The following PIAS4 variants were observed in gnomAD, a reference collection of about 807,000 sequenced individuals.
PIAS4 encodes E3 SUMO-protein ligase PIAS4.
A neutral mutation model predicts 58.0 loss-of-function variants in PIAS4; 7 were observed. That is an observed-to-expected ratio of 0.12 (90% CI 0.07 to 0.23). PIAS4 has a LOEUF of 0.23. Among genes scored for constraint, PIAS4 ranks in the 10% least tolerant of loss-of-function variants. The probability of loss-of-function intolerance (pLI) is 1.00; values close to 1 mark genes in which losing one functional copy is unlikely to be tolerated. For missense variants in PIAS4, 550 were observed against 709.5 expected (o/e 0.78, Z 2.55); for synonymous variants, 364 against 312.4 (o/e 1.17, Z -1.74).
chr19:4,020,441 TC>T (rs1244575475), intron 2 of PIAS4, among the ~76,000 whole-genome samples: 3 of 152,110 alleles, frequency 2.0e-5, no homozygotes, highest in African/African-American at 7.2e-5. Context: ...TTGCCTGTCA[TC>T]TCGTTGTCTC....
At chr19:4,034,963 G>A (rs73532386) in intron 9 of PIAS4, among the ~76,000 whole-genome samples, 4,742 of 152,300 alleles carry the variant, frequency 0.031, 263 homozygotes, top group African/African-American at 0.11. Flanking sequence ...CCAGGGGAGC[G>A]GATAGAGGAG....
In PIAS4 at chr19:4,013,904, C is replaced by T. The variant is rs2040025906; in HGVS notation, c.454+555C>T. 6.6e-6 allele frequency among the ~76,000 whole-genome samples: 1 copy of T among 152,146 alleles called. No homozygotes were observed. Among genetic ancestry groups the T allele is most frequent in the Non-Finnish European group, 1.5e-5 (1 of 68,016 alleles). ...TAACCCAACCTCGGACACGCCTCGC[C>T]ATCTCCCCCACAGAGTCCGTTGCTC... On this transcript the variant is annotated intron_variant, in intron 2 of 10. Coordinates refer to ENST00000262971, the MANE Select transcript of PIAS4 (RefSeq NM_015897.4). This position sits in a 1 kb window ranked among gnomAD's most constrained non-coding sequence, Gnocchi z 5.1.
At chr19:4,024,334 C>T (rs1230232483) in intron 3 of PIAS4, among the ~76,000 whole-genome samples, 1 of 152,252 alleles carries the variant, frequency 6.6e-6, no homozygotes, top group Non-Finnish European at 1.5e-5. Context: ...CTGTGCCCTG[C>T]AGCCTGCTAG....
At chr19:4,011,666 AGGTGTGG>A (rs1197151006) in intron 1 of PIAS4, among the ~76,000 whole-genome samples, 2 of 131,638 alleles carry the variant, frequency 1.5e-5, no homozygotes, top group Non-Finnish European at 3.3e-5. Flanking sequence ...TTTGGTGTGG[AGGTGTGG>A]GGGGTGTGGA....
intron 7 of PIAS4, among the ~76,000 whole-genome samples, chr19:4,032,434 G>T (rs2144937220): frequency 6.6e-6 from 1 of 152,352 alleles, no homozygotes; most frequent in East Asian, 1.9e-4. Flanking sequence ...CATCCCAGAA[G>T]CCTCAGGAGG....
intron 1 of PIAS4, among the ~76,000 whole-genome samples, chr19:4,011,741 T>A (rs1420721434): frequency 7.4e-4 from 20 of 27,058 alleles, no homozygotes; most frequent in African/African-American, 3.9e-3. Flanking sequence ...TGGAGGTGTG[T>A]GGGGTGTGGA....
intron 1 of PIAS4, among the ~76,000 whole-genome samples, chr19:4,008,005 C>T (rs1038225472): frequency 2.0e-5 from 3 of 151,414 alleles, no homozygotes; most frequent in Non-Finnish European, 3.0e-5. Context: ...GTCTTCGCGC[C>T]GGGGGTCGCT....
At position 4,025,755 on chromosome 19, in the gene PIAS4, C is replaced by T. The variant is rs558471549; in HGVS notation, c.539+1635C>T. On this transcript the variant is annotated intron_variant, in intron 3 of 10. Coordinates refer to ENST00000262971, the MANE Select transcript of PIAS4 (RefSeq NM_015897.4). ...TGCACTGGGTCCCTGCTGCAGAGTG[C>T]TCAGAGCCAGCCACACAGTATAAAA... is the stretch of plus-strand genomic sequence containing the variant. Among the ~76,000 whole-genome samples, 4 of 152,078 alleles carry T rather than the reference C, an allele frequency of 2.6e-5. No homozygotes were observed. The South Asian group carries it at 8.3e-4, about 32-fold the overall frequency.
At chr19:4,035,544 G>T (rs73918125) in intron 9 of PIAS4, among the ~76,000 whole-genome samples, 8,128 of 152,214 alleles carry the variant, frequency 0.053, 724 homozygotes, top group African/African-American at 0.18. Flanking sequence ...CACAGTGGGG[G>T]TGCTCTGGAG....
chr19:4,032,270 G>C (rs1295347023), intron 7 of PIAS4, among the ~76,000 whole-genome samples: 3 of 152,152 alleles, frequency 2.0e-5, no homozygotes, highest in African/African-American at 7.2e-5. Flanking sequence ...TGGCTTCCTG[G>C]AGGAAGCAAC....
chr19:4,022,988 A>G (rs1485973298), intron 2 of PIAS4, among the ~76,000 whole-genome samples: 2 of 151,712 alleles, frequency 1.3e-5, no homozygotes, highest in Admixed American at 1.3e-4. Flanking sequence ...CCTGGCCAAC[A>G]TGGAGAAACC....
intron 2 of PIAS4, among the ~76,000 whole-genome samples, chr19:4,022,517 C>G (rs1599222725): frequency 1.3e-5 from 2 of 150,756 alleles, no homozygotes; most frequent in South Asian, 2.1e-4. Context: ...CAGGCGCCTG[C>G]CACTACACCC....
rs1036498123 is a variant in PIAS4 at position 4,039,310 on chromosome 19, G to T, written c.*1435G>T. Reference sequence around the variant, plus strand: ...CTCCCGCCCGCACGGGCAGCTGAAGGCCGCTGTTTTCTAATATTTGTATTC... The same window carrying T: ...CTCCCGCCCGCACGGGCAGCTGAAGTCCGCTGTTTTCTAATATTTGTATTC... On this transcript the variant is annotated 3_prime_UTR_variant, in exon 11 of 11. Coordinates refer to ENST00000262971, the MANE Select transcript of PIAS4 (RefSeq NM_015897.4). 6.6e-6 allele frequency: 1 copy of T among 152,276 alleles called. No individual in the cohort carries two copies. The highest frequency in any genetic ancestry group is 1.9e-4 in the East Asian group (1 of 5,204). 9.4% of individuals were successfully genotyped at this position (152,276 alleles called of 1,614,324 possible).
intron 7 of PIAS4, among the ~76,000 whole-genome samples, chr19:4,030,111 C>T (rs1309045241): frequency 4.7e-5 from 7 of 148,050 alleles, no homozygotes. Context: ...CGTGAGCCAC[C>T]ACGCCCGGCC....
At chr19:4,015,565 C>T (rs558709644) in intron 2 of PIAS4, among the ~76,000 whole-genome samples, 3 of 152,326 alleles carry the variant, frequency 2.0e-5, no homozygotes, top group South Asian at 4.1e-4. Flanking sequence ...GGGGCCACCT[C>T]GGTCCTCAGA....
rs757829971 is a variant in PIAS4 at position 4,013,276 on chromosome 19, C to T, written c.381C>T (p.Leu127=). The change falls in exon 2 of 11, where the codon CTC becomes CTT. Residue 127 remains leucine (L), a synonymous_variant. Coordinates refer to ENST00000262971, the MANE Select transcript of PIAS4 (RefSeq NM_015897.4). The surrounding 1 kb of genome is among the most constrained non-coding windows in gnomAD (Gnocchi z 5.1). ...TGGGACGGTTGCCCGCCAAGACCCT[C>T]AAGCCAGAAGTCCGCCTGGTGAAGC... The part of the protein sequence containing the change: ...NGLGRLPAKT[L]KPEVRLVKLP... 2.5e-6 allele frequency: 4 copies of T among 1,613,294 alleles called. No homozygotes were observed. Among genetic ancestry groups the T allele is most frequent in the Non-Finnish European group, 2.5e-6 (3 of 1,180,004 alleles).
intron 2 of PIAS4, among the ~76,000 whole-genome samples, chr19:4,022,676 G>A (rs935769347): frequency 6.6e-6 from 1 of 150,730 alleles, no homozygotes; most frequent in Non-Finnish European, 1.5e-5. Flanking sequence ...GTTTGTTTTT[G>A]TTTTTGTTTT....
At chr19:4,035,124 G>A (rs1460824904) in intron 9 of PIAS4, among the ~76,000 whole-genome samples, 7 of 152,198 alleles carry the variant, frequency 4.6e-5, no homozygotes, top group African/African-American at 1.2e-4. Flanking sequence ...GCCCTGGCAC[G>A]GTGGGCTCCG....
At chr19:4,012,425 G>A (rs1050054411) in intron 1 of PIAS4, among the ~76,000 whole-genome samples, 1 of 152,212 alleles carries the variant, frequency 6.6e-6, no homozygotes, top group African/African-American at 2.4e-5. Flanking sequence ...TTAGTACTAA[G>A]TAAACTGTGG....
Sources: allele counts gnomAD v4.1 joint callset (sites outside exome capture counted in the v4.1 genomes callset), GRCh38; gene constraint gnomAD v4.1.1; non-coding constraint Gnocchi (gnomAD v3.1); transcripts MANE v1.5; gene names NCBI Gene and HGNC (gene_info 2026-07-23, HGNC 2026-07-21).